Variants in PMFBP1 observed in about 807,000 individuals in gnomAD.
PMFBP1 encodes polyamine-modulated factor 1-binding protein 1.
PMFBP1 carries 131 observed loss-of-function variants against 137.8 expected under a neutral mutation model. That is an observed-to-expected ratio of 0.95 (90% CI 0.82 to 1.10). The LOEUF (loss-of-function observed/expected upper bound fraction) is 1.10. Among genes scored for constraint, PMFBP1 ranks in the 50% least tolerant of loss-of-function variants. PMFBP1 has a pLI of 0.00. For missense variants in PMFBP1, 1,199 were observed against 1,175.4 expected (o/e 1.02, Z -0.29); for synonymous variants, 490 against 450.4 (o/e 1.09, Z -1.11).
chr16:72,204,056 C>T, the PMFBP1 span, among the ~76,000 whole-genome samples: 3 of 152,250 alleles, frequency 2.0e-5, no homozygotes, highest in Non-Finnish European at 4.4e-5. Context: ...TCCACGTCTA[C>T]GTTTCTCCTT....
At chr16:72,216,414 G>A in the PMFBP1 span, among the ~76,000 whole-genome samples, 1 of 152,088 alleles carries the variant, frequency 6.6e-6, no homozygotes, top group Non-Finnish European at 1.5e-5. Flanking sequence ...TTGGTTTAAT[G>A]GTCAGGCAGT....
chr16:72,120,054 TC>T lies in PMFBP1; in HGVS notation c.2803del (p.Glu935LysfsTer5), dbSNP rs748076457. The T allele has an allele frequency of 1.2e-6, 2 of 1,614,188 alleles. No homozygotes were observed. Among genetic ancestry groups the T allele is most frequent in the East Asian group, 2.2e-5 (1 of 44,872 alleles). On this transcript the variant is annotated frameshift_variant, in exon 20 of 21. Transcript: ENST00000237353. LOFTEE classifies it high-confidence loss of function. ...TATCTCCTTCTTCAGCTTCTTGTTT[TC>T]CTGCTGCAAGTGGACCATTACACTG... ...LHSVMVHLQQ[E>X]NKKLKKEIEE...
At chr16:72,215,528 CA>C in the PMFBP1 span, among the ~76,000 whole-genome samples, 2 of 152,064 alleles carry the variant, frequency 1.3e-5, no homozygotes. Context: ...AATAATAATT[CA>C]AAAGTGAGGT....
rs751308187 is a variant in PMFBP1 at position 72,139,408 on chromosome 16, A to T, written c.808-9T>A. Reference sequence around the variant, plus strand: ...TTTTCACGCTCCAGAACCTGCAAATAAGCTTAGATCAGTTATGCTGGATGA... The same window carrying T: ...TTTTCACGCTCCAGAACCTGCAAATTAGCTTAGATCAGTTATGCTGGATGA... On this transcript the variant is annotated splice_polypyrimidine_tract_variant and intron_variant, in intron 6 of 20. Coordinates refer to ENST00000237353, the MANE Select transcript of PMFBP1 (RefSeq NM_031293.3). 6.2e-7 allele frequency: 1 copy of T among 1,601,170 alleles called. No individual in the cohort carries two copies. The highest frequency in any genetic ancestry group is 8.6e-7 in the Non-Finnish European group (1 of 1,168,694).
At chr16:72,242,202 G>C in the PMFBP1 span, among the ~76,000 whole-genome samples, 1 of 152,230 alleles carries the variant, frequency 6.6e-6, no homozygotes, top group Non-Finnish European at 1.5e-5. Flanking sequence ...TGGCAGAAGG[G>C]ATGGGATCAG....
Position 72,140,587 on chromosome 16 carries a change from G to C in PMFBP1, c.637-5C>G. ...ATCACCCTTGTTCTCAGGCTCCTGAGAGATTTAAAAATAATGGGTTGATTT... is the reference window on the plus strand; with the variant it reads ...ATCACCCTTGTTCTCAGGCTCCTGACAGATTTAAAAATAATGGGTTGATTT... On this transcript the variant is annotated splice_region_variant and splice_polypyrimidine_tract_variant and intron_variant, in intron 5 of 20. Transcript: ENST00000237353. 1 of 1,609,094 alleles carries C rather than the reference G, an allele frequency of 6.2e-7. No individual in the cohort carries two copies. The highest frequency in any genetic ancestry group is 1.7e-5 in the Admixed American group (1 of 59,424).
chr16:72,223,166 C>T, the PMFBP1 span, among the ~76,000 whole-genome samples: 1 of 152,042 alleles, frequency 6.6e-6, no homozygotes, highest in Non-Finnish European at 1.5e-5. Flanking sequence ...GAAAAAAATC[C>T]CATCCTGCAC....
At chr16:72,123,462 G>A in intron 18 of PMFBP1, 84 bp downstream of exon 18, 1 of 1,147,708 alleles carries the variant, frequency 8.7e-7, no homozygotes, top group Non-Finnish European at 1.3e-6. Flanking sequence ...GCAGGGGTGT[G>A]TGTGACTAAT....
the PMFBP1 span, among the ~76,000 whole-genome samples, chr16:72,226,954 C>G: frequency 2.6e-5 from 4 of 152,152 alleles, no homozygotes; most frequent in African/African-American, 9.7e-5. Context: ...TCAAATGAAT[C>G]TGAGCATATT....
chr16:72,193,017 T>C, the PMFBP1 span, among the ~76,000 whole-genome samples: 1 of 152,146 alleles, frequency 6.6e-6, no homozygotes, highest in African/African-American at 2.4e-5. Context: ...AAAAAGCAGC[T>C]ATATAATACA....
intron 4 of PMFBP1, among the ~76,000 whole-genome samples, chr16:72,152,981 G>A (rs2042924983): frequency 6.6e-6 from 1 of 151,974 alleles, no homozygotes; most frequent in African/African-American, 2.4e-5. Flanking sequence ...GACACACACA[G>A]TTGCCATAAC....
intron 5 of PMFBP1, among the ~76,000 whole-genome samples, chr16:72,142,374 A>G (rs769210810): frequency 6.6e-6 from 1 of 152,162 alleles, no homozygotes; most frequent in African/African-American, 2.4e-5. Context: ...CTTCAGACTA[A>G]AAGGATTAGT....
the PMFBP1 span, among the ~76,000 whole-genome samples, chr16:72,241,731 T>C: frequency 6.6e-6 from 1 of 152,204 alleles, no homozygotes; most frequent in South Asian, 2.1e-4. Context: ...TCAGCATCCA[T>C]GGAGACAGCC....
At chr16:72,171,043 C>T (rs776673784) in intron 2 of PMFBP1, among the ~76,000 whole-genome samples, 154 bp downstream of exon 2, 1 of 152,132 alleles carries the variant, frequency 6.6e-6, no homozygotes, top group South Asian at 2.1e-4. Context: ...CCACCCAGCT[C>T]GAGTCTGGGC....
chr16:72,164,804 T>A lies in PMFBP1; in HGVS notation c.125A>T (p.Asp42Val). Residue 42 changes from aspartate to valine, a missense_variant, in exon 3 of 21, where the codon GAC becomes GTC. Transcript: ENST00000237353. ...VCKRQRKTLQDNQLCMEEAMN... is the reference protein window; with the variant it reads ...VCKRQRKTLQVNQLCMEEAMN... ...TGCCTCCTCCATGCAGAGCTGATTG[T>A]CCTGCAAGGTCTTCCTCTGTCTCTT... 2 of 1,607,040 alleles carry A rather than the reference T, an allele frequency of 1.2e-6. No individual in the cohort carries two copies. Among genetic ancestry groups the A allele is most frequent in the Non-Finnish European group, 1.7e-6 (2 of 1,174,120 alleles).
intron 17 of PMFBP1, 55 bp from the exon 18 acceptor site, chr16:72,123,704 C>T: frequency 6.7e-7 from 1 of 1,497,792 alleles, no homozygotes; most frequent in Non-Finnish European, 9.2e-7. Flanking sequence ...GGCCTGTCAG[C>T]CCTCCTTCCG....
the PMFBP1 span, among the ~76,000 whole-genome samples, chr16:72,230,835 T>A: frequency 6.6e-6 from 1 of 152,172 alleles, no homozygotes; most frequent in Admixed American, 6.6e-5. Flanking sequence ...TCTCCCTGAT[T>A]CTGGTCTTGC....
At chr16:72,175,853 A>G (rs1051570402), upstream of PMFBP1, among the ~76,000 whole-genome samples, 1 of 152,182 alleles carries the variant, frequency 6.6e-6, no homozygotes, top group Non-Finnish European at 1.5e-5. Flanking sequence ...TCTATTTTTA[A>G]AAATGTGTGA....
At chr16:72,192,939 A>G in the PMFBP1 span, among the ~76,000 whole-genome samples, 1 of 151,816 alleles carries the variant, frequency 6.6e-6, no homozygotes, top group Non-Finnish European at 1.5e-5. Context: ...CTAAATGTCC[A>G]AAAGTTATTG....
Sources: allele counts gnomAD v4.1 joint callset (sites outside exome capture counted in the v4.1 genomes callset), GRCh38; gene constraint gnomAD v4.1.1; transcripts MANE v1.5; gene names NCBI Gene and HGNC (gene_info 2026-07-23, HGNC 2026-07-21).